The following FOXP1 variants were observed in gnomAD, a reference collection of about 807,000 sequenced individuals.
The protein encoded by FOXP1 is forkhead box P1, also known as forkhead box protein P1.
FOXP1 carries 15 observed loss-of-function variants against 98.2 expected under a neutral mutation model. That is an observed-to-expected ratio of 0.15 (90% CI 0.10 to 0.24). FOXP1 has a LOEUF of 0.24. FOXP1 is among the 10% of genes least tolerant of loss of function. FOXP1 has a pLI of 1.00. For synonymous variants in FOXP1, 371 were observed against 314.5 expected, an observed-to-expected ratio of 1.18 and a Z score of -1.90; for missense variants, 633 against 848.5, an observed-to-expected ratio of 0.75 and a Z score of 3.15.
intron 2 of FOXP1, among the ~76,000 whole-genome samples, chr3:71,540,499 G>A (rs1209646958): frequency 6.6e-6 from 1 of 152,212 alleles, no homozygotes; most frequent in African/African-American, 2.4e-5. Context: ...AAGGGTAACA[G>A]ATAATCAATT....
chr3:70,966,083 G>GAAGAC, intron 19 of FOXP1, 27 bp from the exon 20 acceptor site: 1 of 1,600,890 alleles, frequency 6.2e-7, no homozygotes, highest in Non-Finnish European at 8.6e-7. Context: ...GAAAATTTAT[G>GAAGAC]AAGACACAGG....
At chr3:71,192,181 C>A (rs1324826254) in intron 6 of FOXP1, among the ~76,000 whole-genome samples, 1 of 152,200 alleles carries the variant, frequency 6.6e-6, no homozygotes, top group Non-Finnish European at 1.5e-5. Flanking sequence ...CCAGCAGCTA[C>A]AACGGGAAAG....
At chr3:70,979,316 A>AAAAAAAAAAAAAAAAAG (rs1553670621) in intron 14 of FOXP1, among the ~76,000 whole-genome samples, 13 of 96,482 alleles carry the variant, frequency 1.3e-4, no homozygotes, top group African/African-American at 2.2e-4. Flanking sequence ...AAAAAAAAAA[A>AAAAAAAAAAAAAAAAAG]AAAAGAAAAA....
At chr3:71,369,333 T>A (rs1212667717) in intron 3 of FOXP1, among the ~76,000 whole-genome samples, 2 of 151,974 alleles carry the variant, frequency 1.3e-5, no homozygotes, top group Non-Finnish European at 2.9e-5. Flanking sequence ...GAGGCTGCAG[T>A]GAGCCGAGAT....
intron 7 of FOXP1, among the ~76,000 whole-genome samples, chr3:71,069,082 T>C (rs2052906755): frequency 6.6e-6 from 1 of 152,238 alleles, no homozygotes; most frequent in Non-Finnish European, 1.5e-5. Context: ...ATGCATATGT[T>C]GACAATGAAG....
chr3:70,973,315 G>A lies in FOXP1; in HGVS notation c.1531-639C>T, dbSNP rs1329486072. ...CTCACCTTCCAGAATATGAGAGTTG[G>A]CCCTAACTATCGGCAAGTATTTTAA... On this transcript the variant is annotated intron_variant, in intron 17 of 20. Coordinates refer to ENST00000649528, the MANE Select transcript of FOXP1 (RefSeq NM_001349338.3). 2.7e-5 allele frequency among the ~76,000 whole-genome samples: 4 copies of A among 147,054 alleles called. 1 individual carries two copies. The East Asian group carries it at 8.6e-4, about 32-fold the overall frequency.
At chr3:71,451,965 G>C (rs2086998163) in intron 3 of FOXP1, among the ~76,000 whole-genome samples, 1 of 152,124 alleles carries the variant, frequency 6.6e-6, no homozygotes, top group Non-Finnish European at 1.5e-5. Flanking sequence ...TAACTTCCTA[G>C]AGTGCAGTGT....
intron 7 of FOXP1, among the ~76,000 whole-genome samples, chr3:71,060,848 C>A (rs1257546725): frequency 6.6e-6 from 1 of 152,198 alleles, no homozygotes; most frequent in African/African-American, 2.4e-5. Context: ...CTCACCATAA[C>A]ATTTAGCCTG....
intron 6 of FOXP1, among the ~76,000 whole-genome samples, chr3:71,179,381 T>C (rs1030769017): frequency 4.6e-5 from 7 of 152,082 alleles, no homozygotes; most frequent in Non-Finnish European, 1.0e-4. Context: ...GTGCTGGGAT[T>C]ACAGGTGTGA....
At chr3:71,546,372 G>A (rs1428067384) in intron 2 of FOXP1, among the ~76,000 whole-genome samples, 2 of 152,162 alleles carry the variant, frequency 1.3e-5, no homozygotes, top group Non-Finnish European at 2.9e-5. Flanking sequence ...AGAGAAAGGT[G>A]TGACCCACAA....
intron 4 of FOXP1, among the ~76,000 whole-genome samples, chr3:71,320,442 C>T (rs1225836146): frequency 2.0e-5 from 3 of 151,896 alleles, no homozygotes; most frequent in Non-Finnish European, 4.4e-5. Flanking sequence ...ACAGATCTAG[C>T]CTACCACCGT....
intron 3 of FOXP1, among the ~76,000 whole-genome samples, chr3:71,473,744 G>A (rs1194603686): frequency 6.6e-6 from 1 of 152,122 alleles, no homozygotes; most frequent in Non-Finnish European, 1.5e-5. Flanking sequence ...GTTAGAAGGG[G>A]GTTGATATTA....
At chr3:71,517,766 C>G (rs952577257) in intron 2 of FOXP1, among the ~76,000 whole-genome samples, 2 of 152,214 alleles carry the variant, frequency 1.3e-5, no homozygotes, top group African/African-American at 4.8e-5. Context: ...CTCACGCTCT[C>G]AAGACCTCAG....
intron 6 of FOXP1, among the ~76,000 whole-genome samples, chr3:71,114,488 G>A (rs778824117): frequency 6.6e-6 from 1 of 152,216 alleles, no homozygotes; most frequent in Non-Finnish European, 1.5e-5. Flanking sequence ...GCGTAAGGTT[G>A]AGTGGCGCCT....
intron 12 of FOXP1, among the ~76,000 whole-genome samples, chr3:71,001,564 C>T (rs1184811557): frequency 6.6e-6 from 1 of 151,834 alleles, no homozygotes; most frequent in African/African-American, 2.4e-5. Flanking sequence ...AAACATGAGC[C>T]TACACATGCA....
At chr3:71,538,757 C>T (rs1214723980) in intron 2 of FOXP1, among the ~76,000 whole-genome samples, 4 of 152,170 alleles carry the variant, frequency 2.6e-5, no homozygotes, top group Non-Finnish European at 5.9e-5. Flanking sequence ...AAACCACTGC[C>T]TTATCCATGG....
intron 11 of FOXP1, among the ~76,000 whole-genome samples, chr3:71,023,202 T>C (rs1397834634): frequency 2.0e-5 from 3 of 152,242 alleles, no homozygotes; most frequent in South Asian, 2.1e-4. Context: ...GGCTGCTTTG[T>C]TGACAAAAGA....
At chr3:70,979,300 A>AAAG (rs2038306303) in intron 14 of FOXP1, among the ~76,000 whole-genome samples, 1 of 115,032 alleles carries the variant, frequency 8.7e-6, no homozygotes. Flanking sequence ...AAAAAAAAAA[A>AAAG]AAAAAAAAAA....
chr3:71,314,707 C>T (rs1351980541), intron 4 of FOXP1, among the ~76,000 whole-genome samples: 1 of 151,976 alleles, frequency 6.6e-6, no homozygotes, highest in Non-Finnish European at 1.5e-5. Context: ...TGGGGTCTCA[C>T]CTACCTCAGT....
Sources: allele counts gnomAD v4.1 joint callset (sites outside exome capture counted in the v4.1 genomes callset), GRCh38; gene constraint gnomAD v4.1.1; transcripts MANE v1.5; gene names NCBI Gene and HGNC (gene_info 2026-07-23, HGNC 2026-07-21).